KIF20B: variants seen among roughly 807,000 people sequenced by gnomAD.
The protein encoded by KIF20B is kinesin-like protein KIF20B.
Under a neutral mutation model 232.5 loss-of-function variants are expected in KIF20B, and 188 were observed. The ratio of observed to expected loss-of-function variants is 0.81; its 90% CI spans 0.72 to 0.91. The LOEUF (loss-of-function observed/expected upper bound fraction) is 0.91, where lower values mean the gene tolerates loss of function less well. Ranked by LOEUF, KIF20B falls within the 40% of genes least tolerant of loss-of-function variation. KIF20B has a pLI of 0.00. For missense variants in KIF20B, 2,154 were observed against 2,055.9 expected, an observed-to-expected ratio of 1.05 and a Z score of -0.92; for synonymous variants, 712 against 683.0, an observed-to-expected ratio of 1.04 and a Z score of -0.66.
chr10:89,764,310 G>T (rs1394149335), intron 29 of KIF20B, among the ~76,000 whole-genome samples: 1 of 152,022 alleles, frequency 6.6e-6, no homozygotes, highest in African/African-American at 2.4e-5. Context: ...TGGACATTTG[G>T]ATTGGTTCCA....
At chr10:89,727,549 T>C (rs1843217297) in intron 16 of KIF20B, among the ~76,000 whole-genome samples, 1 of 152,270 alleles carries the variant, frequency 6.6e-6, no homozygotes, top group Non-Finnish European at 1.5e-5. Context: ...CTTTGCATTA[T>C]GAAATGTACT....
At chr10:89,715,939 C>A (rs1013480163) in intron 8 of KIF20B, among the ~76,000 whole-genome samples, 2 of 152,174 alleles carry the variant, frequency 1.3e-5, no homozygotes, top group African/African-American at 4.8e-5. Flanking sequence ...TGTAGAGAGC[C>A]ATGATCACGC....
intron 18 of KIF20B, among the ~76,000 whole-genome samples, chr10:89,731,074 GCT>G (rs1843307541): frequency 6.6e-6 from 1 of 152,128 alleles, no homozygotes; most frequent in Admixed American, 6.6e-5. Context: ...GGGCCTCCTG[GCT>G]CTCGAAACTT....
At chr10:89,704,648 C>A (rs1842686200) in intron 1 of KIF20B, among the ~76,000 whole-genome samples, 1 of 152,080 alleles carries the variant, frequency 6.6e-6, no homozygotes, top group Non-Finnish European at 1.5e-5. Flanking sequence ...CCTCTGCCTC[C>A]CGGGTTCAAG....
intron 24 of KIF20B, among the ~76,000 whole-genome samples, chr10:89,752,246 C>G (rs1220581081): frequency 1.3e-5 from 2 of 152,042 alleles, no homozygotes; most frequent in African/African-American, 4.8e-5. Flanking sequence ...TCATACTTTT[C>G]TAGCCACTTT....
At chr10:89,720,103 T>A (rs566520425) in intron 13 of KIF20B, among the ~76,000 whole-genome samples, 1 of 152,202 alleles carries the variant, frequency 6.6e-6, no homozygotes, top group Non-Finnish European at 1.5e-5. Context: ...CCTCGTATAC[T>A]GTTTGTATTG....
chr10:89,747,837 GTAAC>G (rs1259825619), intron 23 of KIF20B, among the ~76,000 whole-genome samples: 6 of 151,704 alleles, frequency 4.0e-5, no homozygotes, highest in Non-Finnish European at 1.5e-5. Context: ...GTATACATAT[GTAAC>G]TAACCTGCAC....
chr10:89,718,914 A>G (rs1842991596), intron 12 of KIF20B, 42 bp downstream of exon 12: 1 of 1,227,256 alleles, frequency 8.1e-7, no homozygotes, highest in Non-Finnish European at 1.1e-6. Context: ...TTAGAATATT[A>G]ACAGTTTTTC....
chr10:89,710,952 CT>C lies in KIF20B; in HGVS notation c.491-5del. The C allele has an allele frequency of 6.3e-7, 1 of 1,596,952 alleles. No homozygotes were observed. The highest frequency in any genetic ancestry group is 1.4e-5 in the African/African-American group (1 of 73,744). ...CTGAGAGAGTATAACACAAAAATTC[CT>C]TTTGCAGGGACAGAAGAAAATATTG... On this transcript the variant is annotated splice_region_variant and splice_polypyrimidine_tract_variant and intron_variant, in intron 5 of 32. Transcript: ENST00000371728.
At chr10:89,771,738 G>T (rs1212429066) in intron 31 of KIF20B, among the ~76,000 whole-genome samples, 1 of 151,956 alleles carries the variant, frequency 6.6e-6, no homozygotes, top group Non-Finnish European at 1.5e-5. Flanking sequence ...CCAGCCCTGA[G>T]GTCTATAAAA....
At position 89,721,365 on chromosome 10, in the gene KIF20B, G is replaced by T. The variant is rs116742761; in HGVS notation, c.1722+1659G>T. Reference sequence around the variant, plus strand: ...TATTAAATAGTACCTCCTCAGTGACGAAAGGAGCCTTTAATAGTCTAGTTT... The same window carrying T: ...TATTAAATAGTACCTCCTCAGTGACTAAAGGAGCCTTTAATAGTCTAGTTT... On this transcript the variant is annotated intron_variant, in intron 13 of 32. Transcript: ENST00000371728. Among the ~76,000 whole-genome samples the T allele has an allele frequency of 7.5e-3, 1,137 of 152,208 alleles. 14 individuals carry two copies. The highest frequency in any genetic ancestry group is 0.026 in the African/African-American group (1,087 of 41,530).
intron 19 of KIF20B, 85 bp downstream of exon 19, chr10:89,733,141 C>T: frequency 7.3e-7 from 1 of 1,366,722 alleles, no homozygotes. Flanking sequence ...GAGGGGCATT[C>T]ACTTGTCTAA....
At chr10:89,706,599 AACTT>A (rs1842727435) in intron 2 of KIF20B, among the ~76,000 whole-genome samples, 1 of 149,982 alleles carries the variant, frequency 6.7e-6, no homozygotes, top group African/African-American at 2.5e-5. Context: ...GACCCAGGTT[AACTT>A]TTTTCTTTTT....
rs1843360028 is a variant in KIF20B, at chr10:89,732,939, A to G, written c.2428A>G (p.Lys810Glu). The change falls in exon 19 of 33, where the codon AAA (lysine) becomes GAA (glutamate). Residue 810 changes from lysine to glutamate, a missense_variant. By Grantham distance (56) the Lys-to-Glu change is moderately conservative (BLOSUM62 1). Coordinates refer to ENST00000371728, the MANE Select transcript of KIF20B (RefSeq NM_001284259.2). Reference protein sequence around the residue: ...ADTSSLIINNKLICNETVEVP... With the variant: ...ADTSSLIINNELICNETVEVP... The stretch of plus-strand genomic sequence containing the variant: ...TACATCTTCTTTAATAATAAACAAT[A>G]AATTGATTTGTAATGAAACAGTTGA... 6.2e-7 allele frequency: 1 copy of G among 1,607,472 alleles called. No individual in the cohort carries two copies. Among genetic ancestry groups the G allele is most frequent in the Non-Finnish European group, 8.5e-7 (1 of 1,176,128 alleles).
At position 89,707,547 on chromosome 10, in the gene KIF20B, TTC is replaced by T. The variant is rs1444725953; in HGVS notation, c.148-1618_148-1617del. Among the ~76,000 whole-genome samples the T allele has an allele frequency of 1.3e-4, 19 of 151,556 alleles. 1 individual carries two copies. The highest frequency in any genetic ancestry group is 9.9e-4 in the Admixed American group (15 of 15,204). ...TTCTTTCCCCTCCTCTCCCCTCCAC[TTC>T]TTTCTTTCCCTTCTTCCCTTCCCTT... On this transcript the variant is annotated intron_variant, in intron 2 of 32. Transcript: ENST00000371728.
intron 21 of KIF20B, among the ~76,000 whole-genome samples, chr10:89,742,744 G>A (rs2133136131): frequency 7.2e-6 from 1 of 138,746 alleles, no homozygotes; most frequent in Non-Finnish European, 1.5e-5. Context: ...CTGTTGCCCA[G>A]GCTGGAGTGC....
At chr10:89,766,810 A>G (rs1463923666) in intron 29 of KIF20B, among the ~76,000 whole-genome samples, 2 of 152,042 alleles carry the variant, frequency 1.3e-5, no homozygotes, top group African/African-American at 2.4e-5. Flanking sequence ...TAACACCTTT[A>G]GAGATTGTTT....
At chr10:89,707,092 A>G (rs1220389618) in intron 2 of KIF20B, among the ~76,000 whole-genome samples, 1 of 152,166 alleles carries the variant, frequency 6.6e-6, no homozygotes, top group Non-Finnish European at 1.5e-5. Context: ...ATACTTGTCA[A>G]TGTAGAGGCC....
chr10:89,702,862 A>C (rs1437783206), intron 1 of KIF20B, among the ~76,000 whole-genome samples: 1 of 151,878 alleles, frequency 6.6e-6, no homozygotes, highest in Non-Finnish European at 1.5e-5. Context: ...GGGGATACAG[A>C]GTGGTATAAG....
Sources: allele counts gnomAD v4.1 joint callset (sites outside exome capture counted in the v4.1 genomes callset), GRCh38; gene constraint gnomAD v4.1.1; transcripts MANE v1.5; gene names NCBI Gene and HGNC (gene_info 2026-07-23, HGNC 2026-07-21).